The following GNG7 variants were observed in gnomAD, a reference collection of about 807,000 sequenced individuals.
GNG7 encodes the protein G protein subunit gamma 7, also known as guanine nucleotide-binding protein G(I)/G(S)/G(O) subunit gamma-7.
A neutral mutation model predicts 4.0 loss-of-function variants in GNG7; 1 was observed. The observed-to-expected ratio is 0.25, with a 90% CI of 0.09 to 1.18. The LOEUF (loss-of-function observed/expected upper bound fraction) is 1.18. Among genes scored for constraint, GNG7 ranks in the 50% most tolerant of loss-of-function variants. The pLI is 0.50. For missense variants in GNG7, 86 were observed against 91.9 expected (o/e 0.94, Z 0.26); for synonymous variants, 34 against 36.9 (o/e 0.92, Z 0.29).
chr19:2,654,543 G>C (rs1982913338), intron 1 of GNG7, among the ~76,000 whole-genome samples: 1 of 141,936 alleles, frequency 7.0e-6, no homozygotes, highest in Non-Finnish European at 1.6e-5. Flanking sequence ...TCAGTTAGGG[G>C]GTTCCACAGA....
Position 2,653,118 on chromosome 19 carries a change from T to C in GNG7, c.-134-6838A>G, listed in dbSNP as rs948035819. 6.6e-6 allele frequency among the ~76,000 whole-genome samples: 1 copy of C among 151,886 alleles called. No homozygotes were observed. On this transcript the variant is annotated intron_variant, in intron 1 of 4. Coordinates refer to ENST00000382159, the MANE Select transcript of GNG7 (RefSeq NM_052847.3). This position sits in a 1 kb window ranked among gnomAD's most constrained non-coding sequence, Gnocchi z 4.8. ...ATAAATAAATCAAAATAAAATAAAA[T>C]AAATAATAGAAACTGAAAACAAAAA... is the stretch of plus-strand genomic sequence containing the variant.
intron 1 of GNG7, among the ~76,000 whole-genome samples, chr19:2,657,337 TAAAAAAAAAAAAAAA>T (rs372388972): frequency 1.1e-3 from 16 of 13,942 alleles, no homozygotes; most frequent in South Asian, 7.4e-3. Flanking sequence ...CCGTCTCAAT[TAAAAAAAAAAAAAAA>T]AAAAAAAAAA....
At chr19:2,590,104 G>A (rs762367409) in intron 2 of GNG7, among the ~76,000 whole-genome samples, 5 of 152,200 alleles carry the variant, frequency 3.3e-5, no homozygotes, top group Non-Finnish European at 7.3e-5. Flanking sequence ...GTGAGTCACT[G>A]TGCCTGGCCT....
intron 2 of GNG7, among the ~76,000 whole-genome samples, chr19:2,640,126 AG>A (rs1457704332): frequency 3.6e-5 from 2 of 55,372 alleles, no homozygotes; most frequent in Admixed American, 5.0e-4. Context: ...GGAGGGGAGG[AG>A]GGAGGGAGGA....
At chr19:2,515,299 G>C (rs987052738) in intron 4 of GNG7, 152 bp from the exon 5 acceptor site, 3 of 854,396 alleles carry the variant, frequency 3.5e-6, no homozygotes, top group Middle Eastern at 3.7e-4. Context: ...CCGTCCACAC[G>C]CTGGAATATT....
chr19:2,685,002 T>C (rs1983836306), intron 1 of GNG7, among the ~76,000 whole-genome samples: 1 of 151,940 alleles, frequency 6.6e-6, no homozygotes, highest in Non-Finnish European at 1.5e-5. Context: ...CACACGCCTG[T>C]AATCCCAGCT....
At chr19:2,555,307 G>T (rs575691583) in intron 2 of GNG7, 119 bp from the exon 3 acceptor site, 3 of 152,304 alleles carry the variant, frequency 2.0e-5, no homozygotes, top group South Asian at 4.1e-4. Context: ...CCAAAAATGA[G>T]GCATGGGAAT....
Position 2,638,338 on chromosome 19 carries a change from G to T in GNG7, c.-78+7886C>A, listed in dbSNP as rs367863517. ...GATCATGCCACTGCACTCCAGCCTG[G>T]GTGACAGAGCGAGACTCTGTCAGAA... On this transcript the variant is annotated intron_variant, in intron 2 of 4. Coordinates refer to ENST00000382159, the MANE Select transcript of GNG7 (RefSeq NM_052847.3). Among the ~76,000 whole-genome samples, 14 of 147,950 alleles carry T rather than the reference G, an allele frequency of 9.5e-5. No individual in the cohort carries two copies. The East Asian group carries it at 2.6e-3, about 27-fold the overall frequency.
intron 2 of GNG7, among the ~76,000 whole-genome samples, chr19:2,558,601 G>C (rs1979638472): frequency 6.6e-6 from 1 of 152,096 alleles, no homozygotes; most frequent in African/African-American, 2.4e-5. Flanking sequence ...AAATAAGAGA[G>C]TGTGTGTAGA....
intron 1 of GNG7, among the ~76,000 whole-genome samples, chr19:2,686,302 C>T (rs1380163768): frequency 6.6e-6 from 1 of 152,150 alleles, no homozygotes; most frequent in African/African-American, 2.4e-5. Flanking sequence ...GGATTACAGG[C>T]ACCCGCCACC....
chr19:2,694,503 C>T (rs531822077), intron 1 of GNG7, among the ~76,000 whole-genome samples: 1 of 151,054 alleles, frequency 6.6e-6, no homozygotes, highest in Non-Finnish European at 1.5e-5. Context: ...TCCGGTCCCC[C>T]CTATCTGCAG....
rs1024861950 is a variant in GNG7 at position 2,546,860 on chromosome 19, G to C, written c.-38+8289C>G. ...GTTTGCAAGCCCGGGAACCGGGGCC[G>C]GGCCAGGACACTGAACCCCGTGGCT... On this transcript the variant is annotated intron_variant, in intron 3 of 4. Transcript: ENST00000382159. This position sits in a 1 kb window ranked among gnomAD's most constrained non-coding sequence, Gnocchi z 6.3. Among the ~76,000 whole-genome samples the C allele has an allele frequency of 6.6e-6, 1 of 152,186 alleles. No individual in the cohort carries two copies. The highest frequency in any genetic ancestry group is 2.4e-5 in the African/African-American group (1 of 41,450).
intron 1 of GNG7, among the ~76,000 whole-genome samples, chr19:2,646,999 CCCTCAGCCCCA>C (rs1169399271): frequency 6.6e-6 from 1 of 152,196 alleles, no homozygotes; most frequent in East Asian, 1.9e-4. Context: ...CCTGGGAAGT[CCCTCAGCCCCA>C]GCTCAGCTGG....
intron 2 of GNG7, among the ~76,000 whole-genome samples, chr19:2,623,558 G>A (rs764178491): frequency 2.0e-5 from 3 of 152,298 alleles, no homozygotes; most frequent in Admixed American, 1.3e-4. Flanking sequence ...CCTTGAGGAC[G>A]TCACGCTCAG....
chr19:2,575,718 C>G (rs1464137927), intron 2 of GNG7, among the ~76,000 whole-genome samples: 1 of 103,404 alleles, frequency 9.7e-6, no homozygotes, highest in Non-Finnish European at 1.8e-5. Context: ...GGCAGGCACA[C>G]GCAGACACGC....
At chr19:2,549,933 C>T (rs536307039) in intron 3 of GNG7, among the ~76,000 whole-genome samples, 8 of 152,358 alleles carry the variant, frequency 5.3e-5, no homozygotes, top group South Asian at 4.1e-4. Context: ...GTTTTGCTCA[C>T]GCTTACATCC....
chr19:2,533,773 G>A (rs1320022223), intron 3 of GNG7, among the ~76,000 whole-genome samples: 1 of 152,172 alleles, frequency 6.6e-6, no homozygotes, highest in Non-Finnish European at 1.5e-5. Context: ...CAGATGAAAG[G>A]TAGAAAATGC....
intron 3 of GNG7, among the ~76,000 whole-genome samples, chr19:2,541,592 A>G (rs191024304): frequency 6.6e-6 from 1 of 151,882 alleles, no homozygotes; most frequent in East Asian, 1.9e-4. Flanking sequence ...AAACAAAAAA[A>G]TTAGCCTGGC....
intron 2 of GNG7, among the ~76,000 whole-genome samples, chr19:2,638,477 GGGAGGGGAAGGGGA>G (rs1982385886): frequency 2.5e-5 from 1 of 40,302 alleles, no homozygotes; most frequent in African/African-American, 1.2e-4. Flanking sequence ...GGAGGGGAAG[GGGAGGGGAAGGGGA>G]GGGGAGGGGA....
Sources: allele counts gnomAD v4.1 joint callset (sites outside exome capture counted in the v4.1 genomes callset), GRCh38; gene constraint gnomAD v4.1.1; non-coding constraint Gnocchi (gnomAD v3.1); transcripts MANE v1.5; gene names NCBI Gene and HGNC (gene_info 2026-07-23, HGNC 2026-07-21).